BTBD9: variants seen among roughly 807,000 people sequenced by gnomAD.
The protein encoded by BTBD9 is BTB/POZ domain-containing protein 9.
BTBD9 carries 49 observed loss-of-function variants against 64.3 expected under a neutral mutation model. The observed-to-expected ratio is 0.76, with a 90% CI of 0.61 to 0.97. BTBD9 has a LOEUF of 0.97. BTBD9 is among the 50% of genes least tolerant of loss of function. The pLI is 0.00. For synonymous variants in BTBD9, 260 were observed against 274.7 expected (o/e 0.95, Z 0.53); for missense variants, 598 against 762.1 (o/e 0.78, Z 2.53).
intron 6 of BTBD9, among the ~76,000 whole-genome samples, chr6:38,532,506 A>G (rs1407802405): frequency 1.3e-5 from 2 of 152,134 alleles, no homozygotes; most frequent in African/African-American, 4.8e-5. Context: ...TGCTCAGCTC[A>G]CTGCTCCAAA....
At chr6:38,214,010 A>AAAAAAT (rs1554128876) in intron 9 of BTBD9, among the ~76,000 whole-genome samples, 6 of 147,600 alleles carry the variant, frequency 4.1e-5, no homozygotes, top group Non-Finnish European at 7.5e-5. Context: ...AAACAAACAA[A>AAAAAAT]AATAATAATA....
rs1204956326 is a variant in BTBD9 at position 38,184,745 on chromosome 6, A to G, written c.1641+7774T>C. On this transcript the variant is annotated intron_variant, in intron 10 of 10. Coordinates refer to ENST00000481247, the MANE Select transcript of BTBD9 (RefSeq NM_001099272.2). The surrounding 1 kb of genome is among the most constrained non-coding windows in gnomAD (Gnocchi z 4.4). Reference sequence around the variant, plus strand: ...GGGGACCTCGGAAATAATTATCACCATGCCAGGAAGGAGCACTTGTTTCAT... The same window carrying G: ...GGGGACCTCGGAAATAATTATCACCGTGCCAGGAAGGAGCACTTGTTTCAT... 6.6e-6 allele frequency among the ~76,000 whole-genome samples: 1 copy of G among 152,124 alleles called. No individual in the cohort carries two copies. The highest frequency in any genetic ancestry group is 1.5e-5 in the Non-Finnish European group (1 of 68,000).
chr6:38,228,165 C>T (rs1411734623), intron 9 of BTBD9, among the ~76,000 whole-genome samples: 1 of 151,582 alleles, frequency 6.6e-6, no homozygotes, highest in Non-Finnish European at 1.5e-5. Context: ...AGTTTGAGAC[C>T]AGCCTGGGCA....
At chr6:38,381,764 A>G (rs1396614147) in intron 6 of BTBD9, among the ~76,000 whole-genome samples, 1 of 152,180 alleles carries the variant, frequency 6.6e-6, no homozygotes, top group Non-Finnish European at 1.5e-5. Context: ...CAACTGGAAA[A>G]CAATAACAAC....
intron 6 of BTBD9, among the ~76,000 whole-genome samples, chr6:38,504,271 A>G (rs1275640884): frequency 2.6e-5 from 4 of 152,128 alleles, no homozygotes; most frequent in Admixed American, 6.6e-5. Flanking sequence ...CAGCAATCTT[A>G]CTACACTCCC....
At chr6:38,410,187 T>C (rs754382891) in intron 6 of BTBD9, among the ~76,000 whole-genome samples, 5 of 152,056 alleles carry the variant, frequency 3.3e-5, no homozygotes, top group Non-Finnish European at 7.4e-5. Context: ...AAAAATCTAG[T>C]TGTCCAGGCA....
chr6:38,409,165 G>C (rs556523034), intron 6 of BTBD9, among the ~76,000 whole-genome samples: 1 of 152,132 alleles, frequency 6.6e-6, no homozygotes, highest in South Asian at 2.1e-4. Context: ...CAGGAGAATC[G>C]CTTGAACTAG....
chr6:38,249,184 T>C (rs1764305782), intron 9 of BTBD9, among the ~76,000 whole-genome samples: 1 of 152,214 alleles, frequency 6.6e-6, no homozygotes, highest in South Asian at 2.1e-4. Context: ...TGAAAATTTG[T>C]TTTCTATATC....
At chr6:38,481,866 A>T (rs969793914) in intron 6 of BTBD9, 1 of 152,248 alleles carries the variant, frequency 6.6e-6, no homozygotes, top group Non-Finnish European at 1.5e-5. Context: ...TTAAAAGAAC[A>T]GTTCAGTTGG....
chr6:38,597,988 C>T lies in BTBD9; in HGVS notation c.107G>A (p.Gly36Asp), dbSNP rs746361812. 2.5e-6 allele frequency: 4 copies of T among 1,613,972 alleles called. No homozygotes were observed. In the East Asian group the frequency reaches 8.9e-5, roughly 36 times the overall value. ...IGALLIGEEY[G>D]DVTFVVEKKR... ...CTTTTCCACCACGAATGTGACGTCGCCATATTCTTCCCCAATCAACAAGGC... is the reference window on the plus strand; with the variant it reads ...CTTTTCCACCACGAATGTGACGTCGTCATATTCTTCCCCAATCAACAAGGC... Residue 36 changes from glycine to aspartate, a missense_variant, in exon 2 of 11, where the codon GGC (glycine) becomes GAC (aspartate). By Grantham distance (94) the Gly-to-Asp change is moderately conservative. Coordinates refer to ENST00000481247, the MANE Select transcript of BTBD9 (RefSeq NM_001099272.2).
intron 8 of BTBD9, among the ~76,000 whole-genome samples, chr6:38,265,638 C>T (rs112319228): frequency 6.0e-4 from 92 of 152,114 alleles, no homozygotes; most frequent in African/African-American, 2.1e-3. Context: ...CCACCTCAGC[C>T]TCCCAAGTAG....
chr6:38,617,456 T>C (rs1485833883), intron 1 of BTBD9, among the ~76,000 whole-genome samples: 1 of 152,174 alleles, frequency 6.6e-6, no homozygotes, highest in Non-Finnish European at 1.5e-5. Flanking sequence ...TTCTAGTTTC[T>C]CCTATAAGGA....
intron 6 of BTBD9, among the ~76,000 whole-genome samples, chr6:38,502,162 T>G (rs565733248): frequency 6.6e-6 from 1 of 152,318 alleles, no homozygotes; most frequent in South Asian, 2.1e-4. Flanking sequence ...AATGTTGGCT[T>G]GGGTGGCTGG....
intron 10 of BTBD9, among the ~76,000 whole-genome samples, chr6:38,190,404 A>G (rs1464476617): frequency 1.4e-5 from 2 of 145,412 alleles, no homozygotes; most frequent in Non-Finnish European, 3.0e-5. Context: ...AGGCGGCAGA[A>G]GTTGCAGTGA....
intron 6 of BTBD9, chr6:38,504,479 C>T (rs1311579371): frequency 2.2e-6 from 1 of 452,330 alleles, no homozygotes; most frequent in African/African-American, 2.0e-5. Context: ...AACTTTAGAC[C>T]ACATCTCCTC....
intron 6 of BTBD9, among the ~76,000 whole-genome samples, chr6:38,375,831 G>A (rs1168178640): frequency 2.0e-5 from 3 of 149,300 alleles, no homozygotes; most frequent in African/African-American, 7.4e-5. Context: ...TGTAAATTTG[G>A]ACTTAACTAA....
chr6:38,258,255 G>T (rs1439568537), intron 8 of BTBD9, among the ~76,000 whole-genome samples: 2 of 151,884 alleles, frequency 1.3e-5, no homozygotes, highest in Non-Finnish European at 2.9e-5. Flanking sequence ...CAAAGTGTTG[G>T]GATTACAGGC....
intron 8 of BTBD9, among the ~76,000 whole-genome samples, chr6:38,275,307 G>C (rs1765345370): frequency 6.6e-6 from 1 of 151,378 alleles, no homozygotes; most frequent in African/African-American, 2.4e-5. Flanking sequence ...GTAGAAAGCT[G>C]AAACTGGATC....
At chr6:38,565,293 G>A (rs1444456937) in intron 6 of BTBD9, among the ~76,000 whole-genome samples, 1 of 152,228 alleles carries the variant, frequency 6.6e-6, no homozygotes, top group Non-Finnish European at 1.5e-5. Context: ...CTTTGTTGTA[G>A]GGAGATGTCC....
Sources: allele counts gnomAD v4.1 joint callset (sites outside exome capture counted in the v4.1 genomes callset), GRCh38; gene constraint gnomAD v4.1.1; non-coding constraint Gnocchi (gnomAD v3.1); transcripts MANE v1.5; gene names NCBI Gene and HGNC (gene_info 2026-07-23, HGNC 2026-07-21).